Variants in EBF1 observed in about 807,000 individuals in gnomAD.
EBF1 encodes the protein transcription factor COE1.
Under a neutral mutation model 68.4 loss-of-function variants are expected in EBF1, and 10 were observed. The ratio of observed to expected loss-of-function variants is 0.15; its 90% CI spans 0.09 to 0.25. EBF1 has a LOEUF of 0.25. Among genes scored for constraint, EBF1 ranks in the 10% least tolerant of loss-of-function variants. The pLI, the probability that EBF1 is intolerant of heterozygous loss-of-function variation, is 1.00. For synonymous variants in EBF1, 298 were observed against 299.8 expected (o/e 0.99, Z 0.06); for missense variants, 509 against 794.4 (o/e 0.64, Z 4.32).
At chr5:159,040,392 C>T (rs543868838) in intron 6 of EBF1, among the ~76,000 whole-genome samples, 15 of 152,194 alleles carry the variant, frequency 9.9e-5, no homozygotes, top group South Asian at 2.1e-4. Flanking sequence ...AGATTACAAG[C>T]GACTCAAGAA....
rs10076100 is a variant in EBF1, at chr5:158,784,705, A to G, written c.910-7166T>C. ...TTCAACACTTAAAAGTAAAGAAAAA[A>G]AGTCCAAAACAAGCAAAGACTCAAA... On this transcript the variant is annotated intron_variant, in intron 9 of 15. Transcript: ENST00000313708. 8.3e-3 allele frequency among the ~76,000 whole-genome samples: 1,263 copies of G among 152,234 alleles called. 21 individuals carry two copies. The highest frequency in any genetic ancestry group is 0.029 in the African/African-American group (1,194 of 41,524).
At chr5:159,097,268 T>G in intron 1 of EBF1, 138 bp from the exon 2 acceptor site, 1 of 975,060 alleles carries the variant, frequency 1.0e-6, no homozygotes, top group South Asian at 1.7e-5. Flanking sequence ...TTCACGCCCC[T>G]TCAGGCGACA....
intron 8 of EBF1, among the ~76,000 whole-genome samples, 164 bp downstream of exon 8, chr5:158,823,012 T>C (rs143107026): frequency 2.0e-4 from 30 of 152,248 alleles, no homozygotes; most frequent in African/African-American, 6.3e-4. Context: ...TCTTTAAATA[T>C]TTGCCACCAT....
At chr5:158,810,485 C>T (rs17056262) in intron 8 of EBF1, among the ~76,000 whole-genome samples, 8,798 of 152,112 alleles carry the variant, frequency 0.058, 350 homozygotes, top group Non-Finnish European at 0.078. Flanking sequence ...TATTACTTTG[C>T]CCCAAGGACG....
intron 6 of EBF1, among the ~76,000 whole-genome samples, chr5:158,960,688 CA>C (rs1344940748): frequency 1.3e-5 from 2 of 152,172 alleles, no homozygotes; most frequent in African/African-American, 4.8e-5. Flanking sequence ...TTGCTCTTAA[CA>C]AATAGAAGAA....
chr5:158,992,402 A>G (rs1305230653), intron 6 of EBF1, among the ~76,000 whole-genome samples: 1 of 152,046 alleles, frequency 6.6e-6, no homozygotes, highest in Non-Finnish European at 1.5e-5. Flanking sequence ...AGTTATAAAT[A>G]CATTTAGATC....
At chr5:159,016,610 C>A (rs901377375) in intron 6 of EBF1, among the ~76,000 whole-genome samples, 4 of 152,194 alleles carry the variant, frequency 2.6e-5, no homozygotes, top group African/African-American at 9.7e-5. Context: ...TTTGCCACGC[C>A]TTCTGAAGAA....
chr5:158,840,645 G>GTTTT lies in EBF1; in HGVS notation c.555-539_555-536dup, dbSNP rs534374216. On this transcript the variant is annotated intron_variant, in intron 6 of 15. Transcript: ENST00000313708. ...TCCTTTGACTTCTCAAATACCTCCT[G>GTTTT]TTTTTTTTTTTTTTTTTTTTTTTTT... 6.6e-3 allele frequency among the ~76,000 whole-genome samples: 430 copies of GTTTT among 64,868 alleles called. 46 individuals are homozygous for GTTTT. Among genetic ancestry groups the GTTTT allele is most frequent in the East Asian group, 0.012 (23 of 1,854 alleles). 42.6% of individuals were successfully genotyped at this position (64,868 alleles called of 152,430 possible).
intron 6 of EBF1, among the ~76,000 whole-genome samples, chr5:159,030,446 T>A (rs1192439755): frequency 6.6e-6 from 1 of 152,210 alleles, no homozygotes; most frequent in Admixed American, 6.5e-5. Flanking sequence ...GATATACTTT[T>A]AATTAAAATC....
intron 6 of EBF1, among the ~76,000 whole-genome samples, chr5:158,972,568 C>A (rs1335529142): frequency 1.3e-5 from 2 of 152,224 alleles, no homozygotes; most frequent in African/African-American, 4.8e-5. Flanking sequence ...CTGGAATACC[C>A]AAAGCCTGTT....
chr5:158,791,147 C>T (rs537942345), intron 9 of EBF1, among the ~76,000 whole-genome samples: 2 of 151,804 alleles, frequency 1.3e-5, no homozygotes, highest in African/African-American at 4.8e-5. Context: ...GGCAAAACCC[C>T]GTCTCTACTA....
rs140866923 is a variant in EBF1, at chr5:159,046,089, G to A, written c.554+27307C>T. Reference sequence around the variant, plus strand: ...TGGGAACTGTTCCCTACAGCTCTCCGTATATTCCTCCAAGTCTAACTCAAA... The same window carrying A: ...TGGGAACTGTTCCCTACAGCTCTCCATATATTCCTCCAAGTCTAACTCAAA... On this transcript the variant is annotated intron_variant, in intron 6 of 15. Transcript: ENST00000313708. Among the ~76,000 whole-genome samples, 30 of 152,214 alleles carry A rather than the reference G, an allele frequency of 2.0e-4. No homozygotes were observed. In the East Asian group the frequency reaches 2.1e-3, roughly 11 times the overall value.
At chr5:158,852,418 G>A (rs562557554) in intron 6 of EBF1, among the ~76,000 whole-genome samples, 5 of 152,116 alleles carry the variant, frequency 3.3e-5, no homozygotes, top group Admixed American at 3.3e-4. Flanking sequence ...TGGGGATAAT[G>A]AATTTAATTT....
chr5:158,791,604 A>T (rs1221486689), intron 9 of EBF1, among the ~76,000 whole-genome samples: 1 of 151,958 alleles, frequency 6.6e-6, no homozygotes, highest in Admixed American at 6.6e-5. Flanking sequence ...GACAGCTTAA[A>T]TACTCTAAAT....
intron 6 of EBF1, among the ~76,000 whole-genome samples, chr5:158,956,413 T>C (rs1459632814): frequency 6.6e-6 from 1 of 152,030 alleles, no homozygotes; most frequent in Non-Finnish European, 1.5e-5. Context: ...ACTGGACTTT[T>C]AACTGGAAGC....
intron 4 of EBF1, among the ~76,000 whole-genome samples, chr5:159,094,646 A>C (rs752114580): frequency 6.6e-5 from 10 of 152,216 alleles, no homozygotes; most frequent in Non-Finnish European, 1.5e-4. Flanking sequence ...TAAAGGAAAC[A>C]TTCTAAAATC....
chr5:158,894,680 A>T (rs1005133820), intron 6 of EBF1, among the ~76,000 whole-genome samples: 1 of 152,200 alleles, frequency 6.6e-6, no homozygotes, highest in African/African-American at 2.4e-5. Flanking sequence ...GGCAGAAGAA[A>T]TATAGGAACT....
chr5:158,885,090 T>C (rs1343892046), intron 6 of EBF1, among the ~76,000 whole-genome samples: 1 of 152,166 alleles, frequency 6.6e-6, no homozygotes, highest in Non-Finnish European at 1.5e-5. Context: ...GAGCTCAGTG[T>C]GGTAGGAGGC....
At chr5:158,716,989 T>G (rs1760869156) in intron 11 of EBF1, among the ~76,000 whole-genome samples, 1 of 152,218 alleles carries the variant, frequency 6.6e-6, no homozygotes. Flanking sequence ...TCATTTACCT[T>G]GAAATGTATA....
Sources: gnomAD v4.1 joint callset for allele counts (sites outside exome capture counted in the v4.1 genomes callset) on GRCh38, gnomAD v4.1.1 for gene constraint, MANE v1.5 for transcripts, NCBI Gene and HGNC (gene_info 2026-07-23, HGNC 2026-07-21) for gene names.